The following ZNF469 variants were observed in gnomAD, a reference collection of about 807,000 sequenced individuals.
ZNF469 encodes the protein zinc finger protein 469.
In ZNF469, 1 loss-of-function variant was observed where a neutral mutation model predicts 1.0. That is an observed-to-expected ratio of 1.00 (90% CI 0.35 to 4.73). The LOEUF (loss-of-function observed/expected upper bound fraction) is 4.73, where lower values mean the gene tolerates loss of function less well. Among genes scored for constraint, ZNF469 ranks in the 30% most tolerant of loss-of-function variants. ZNF469 has a pLI of 0.16. For synonymous variants in ZNF469, 2,703 were observed against 2,363.4 expected (o/e 1.14, Z -4.17); for missense variants, 6,100 against 5,356.3 (o/e 1.14, Z -4.33).
At chr16:88,145,009 C>T in the ZNF469 span, among the ~76,000 whole-genome samples, 1 of 151,924 alleles carries the variant, frequency 6.6e-6, no homozygotes, top group Non-Finnish European at 1.5e-5. Context: ...ACCATGACGC[C>T]CAGCTAATTC....
rs1474984943 is a variant in ZNF469 at position 88,428,540 on chromosome 16, C to T, written c.1070C>T (p.Ser357Phe). The T allele has an allele frequency of 1.9e-6, 3 of 1,550,082 alleles. No homozygotes were observed. In the African/African-American group the frequency reaches 4.1e-5, roughly 21 times the overall value. The part of the protein sequence containing the change: ...RHSDLSGALS[S>F]PGAAHSAPRP... Reference sequence around the variant, plus strand: ...AGCGACCTCAGTGGTGCCCTCTCTTCCCCTGGAGCTGCTCACTCGGCCCCG... The same window carrying T: ...AGCGACCTCAGTGGTGCCCTCTCTTTCCCTGGAGCTGCTCACTCGGCCCCG... Residue 357 changes from serine (S) to phenylalanine (F), a missense_variant, in exon 3 of 3, where the codon TCC becomes TTC. Physicochemically the swap from Ser to Phe is radical, Grantham distance 155. Coordinates refer to ENST00000565624, the MANE Select transcript of ZNF469 (RefSeq NM_001367624.2).
chr16:88,230,614 TCTCCCGCC>T, the ZNF469 span, among the ~76,000 whole-genome samples: 3 of 142,708 alleles, frequency 2.1e-5, no homozygotes, highest in Admixed American at 6.9e-5. Flanking sequence ...GGACGCCCCC[TCTCCCGCC>T]AGAGAGTGGA....
chr16:88,401,591 GTAGA>G (rs1378779020), intron 1 of ZNF469, among the ~76,000 whole-genome samples: 5 of 131,236 alleles, frequency 3.8e-5, no homozygotes, highest in African/African-American at 5.7e-5. Flanking sequence ...GGATGAATAG[GTAGA>G]TGGATGGATA....
chr16:88,288,410 T>C, the ZNF469 span, among the ~76,000 whole-genome samples: 1 of 152,216 alleles, frequency 6.6e-6, no homozygotes, highest in Non-Finnish European at 1.5e-5. Context: ...TTTGCCTTTG[T>C]TCACCCCATT....
chr16:88,431,567 T>C lies in ZNF469; in HGVS notation c.4097T>C (p.Val1366Ala), dbSNP rs1252673809. ...PAGFNRDPLGVPVAKKGPQPY... is the reference protein window; with the variant it reads ...PAGFNRDPLGAPVAKKGPQPY... ...GGTTTTAACAGAGACCCCTTGGGGG[T>C]TCCAGTTGCCAAAAAGGGGCCTCAG... is the stretch of plus-strand genomic sequence containing the variant. The change falls in exon 3 of 3, where the codon GTT becomes GCT. Residue 1366 changes from valine to alanine, a missense_variant. Val to Ala is a moderately conservative substitution (Grantham distance 64, BLOSUM62 0). Transcript: ENST00000565624. The C allele has an allele frequency of 1.9e-6, 3 of 1,550,292 alleles. No homozygotes were observed. Among genetic ancestry groups the C allele is most frequent in the Non-Finnish European group, 2.6e-6 (3 of 1,146,962 alleles).
At chr16:88,358,524 C>T in the ZNF469 span, among the ~76,000 whole-genome samples, 3 of 152,046 alleles carry the variant, frequency 2.0e-5, no homozygotes, top group African/African-American at 7.2e-5. Flanking sequence ...GAGGCAGCCA[C>T]CAGCCTGCCA....
the ZNF469 span, among the ~76,000 whole-genome samples, chr16:88,246,696 G>A: frequency 1.1e-4 from 17 of 152,250 alleles, no homozygotes; most frequent in East Asian, 7.7e-4. Flanking sequence ...GAGAACCACC[G>A]CTTTAGGGAG....
At chr16:88,301,741 T>C in the ZNF469 span, among the ~76,000 whole-genome samples, 1 of 152,214 alleles carries the variant, frequency 6.6e-6, no homozygotes, top group Non-Finnish European at 1.5e-5. Flanking sequence ...AGCTCTCTTG[T>C]CCCTTCTGTC....
Position 88,428,804 on chromosome 16 carries a change from C to A in ZNF469, c.1334C>A (p.Ala445Glu). 1.3e-6 allele frequency: 2 copies of A among 1,547,008 alleles called. No individual in the cohort carries two copies. Among genetic ancestry groups the A allele is most frequent in the Non-Finnish European group, 1.7e-6 (2 of 1,146,072 alleles). ...CTGCCCCAGCTGTGGGACCCCACAG[C>A]AGCCCCTTACCCCACACCTCCTGGG... ...ARLPQLWDPTAAPYPTPPGGP... is the reference protein window; with the variant it reads ...ARLPQLWDPTEAPYPTPPGGP... Residue 445 changes from alanine (A) to glutamate (E), a missense_variant, in exon 3 of 3, where the codon GCA becomes GAA. Ala to Glu is a moderately radical substitution (Grantham distance 107). Transcript: ENST00000565624.
At chr16:88,251,192 T>A in the ZNF469 span, among the ~76,000 whole-genome samples, 12 of 152,218 alleles carry the variant, frequency 7.9e-5, no homozygotes, top group African/African-American at 2.9e-4. Flanking sequence ...TGGTTTTTGA[T>A]AGCACATTTT....
At chr16:88,263,213 G>C in the ZNF469 span, among the ~76,000 whole-genome samples, 1 of 152,180 alleles carries the variant, frequency 6.6e-6, no homozygotes, top group Admixed American at 6.5e-5. Flanking sequence ...TCTCCACGGC[G>C]TCCAGCGAAA....
the ZNF469 span, among the ~76,000 whole-genome samples, chr16:88,282,703 G>C: frequency 1.3e-5 from 2 of 152,322 alleles, no homozygotes; most frequent in South Asian, 4.1e-4. Flanking sequence ...GTCCCACAGG[G>C]AAGAGCCTCA....
chr16:88,398,123 G>A (rs7193916), intron 1 of ZNF469, among the ~76,000 whole-genome samples: 39,115 of 152,046 alleles, frequency 0.26, 5,617 homozygotes, highest in African/African-American at 0.4. Context: ...ATGGGCCTCT[G>A]ATCCCTGCTC....
At chr16:88,390,340 G>A (rs577810894) in intron 1 of ZNF469, among the ~76,000 whole-genome samples, 11 of 152,328 alleles carry the variant, frequency 7.2e-5, no homozygotes, top group African/African-American at 2.2e-4. Context: ...CAACCCCACC[G>A]AGGTCAGGGC....
At chr16:88,166,306 C>T in the ZNF469 span, among the ~76,000 whole-genome samples, 166 of 152,280 alleles carry the variant, frequency 1.1e-3, no homozygotes, top group Non-Finnish European at 1.9e-3. This position sits in a 1 kb window ranked among gnomAD's most constrained non-coding sequence, Gnocchi z 4.5. Context: ...TCCCTCCATC[C>T]ATCTTATTTT....
At chr16:88,352,213 T>A in the ZNF469 span, among the ~76,000 whole-genome samples, 4 of 152,224 alleles carry the variant, frequency 2.6e-5, no homozygotes, top group African/African-American at 9.6e-5. Context: ...GGGTGCACAA[T>A]GCCATGGACA....
chr16:88,406,883 T>G (rs1381914628), intron 1 of ZNF469, among the ~76,000 whole-genome samples: 1 of 152,132 alleles, frequency 6.6e-6, no homozygotes, highest in African/African-American at 2.4e-5. Flanking sequence ...GTCTCCTGAT[T>G]CCCCCTAGCG....
At chr16:88,264,209 A>G in the ZNF469 span, among the ~76,000 whole-genome samples, 1 of 152,002 alleles carries the variant, frequency 6.6e-6, no homozygotes, top group South Asian at 2.1e-4. Context: ...CTTTGCTTCC[A>G]GGAGGAGCTT....
chr16:88,169,476 G>A, the ZNF469 span, among the ~76,000 whole-genome samples: 1,644 of 152,272 alleles, frequency 0.011, 47 homozygotes, highest in South Asian at 0.1. The surrounding 1 kb of genome is among the most constrained non-coding windows in gnomAD (Gnocchi z 6.1). Context: ...TCGAGGTGGA[G>A]TTCTCCAGTA....
Sources: allele counts gnomAD v4.1 joint callset (sites outside exome capture counted in the v4.1 genomes callset), GRCh38; gene constraint gnomAD v4.1.1; non-coding constraint Gnocchi (gnomAD v3.1); transcripts MANE v1.5; gene names NCBI Gene and HGNC (gene_info 2026-07-23, HGNC 2026-07-21).